The following CBL variants were observed in gnomAD, a reference collection of about 807,000 sequenced individuals.
The protein encoded by CBL is E3 ubiquitin-protein ligase CBL.
A neutral mutation model predicts 96.9 loss-of-function variants in CBL; 45 were observed. That is an observed-to-expected ratio of 0.46 (90% CI 0.37 to 0.60). CBL has a LOEUF of 0.60. Among genes scored for constraint, CBL ranks in the 20% least tolerant of loss-of-function variants. CBL has a pLI of 0.00. For missense variants in CBL, 1,024 were observed against 1,143.5 expected (o/e 0.90, Z 1.51); for synonymous variants, 420 against 426.8 (o/e 0.98, Z 0.20).
chr11:119,292,645 A>G (rs552468268), intron 12 of CBL, among the ~76,000 whole-genome samples: 3 of 152,098 alleles, frequency 2.0e-5, no homozygotes, highest in East Asian at 3.9e-4. Flanking sequence ...GGTGGTCTCA[A>G]TCTCCTGACC....
intron 2 of CBL, among the ~76,000 whole-genome samples, chr11:119,256,361 A>G (rs1403557869): frequency 6.6e-6 from 1 of 151,652 alleles, no homozygotes; most frequent in Non-Finnish European, 1.5e-5. Flanking sequence ...TGTTTTTCTC[A>G]GTAGAGATAG....
chr11:119,265,949 G>A (rs1949799589), intron 2 of CBL, among the ~76,000 whole-genome samples: 1 of 149,946 alleles, frequency 6.7e-6, no homozygotes, highest in Admixed American at 6.7e-5. Flanking sequence ...TTGAACCCGG[G>A]AGAGAGGGTG....
intron 2 of CBL, among the ~76,000 whole-genome samples, chr11:119,257,752 A>G (rs966923319): frequency 5.3e-5 from 8 of 152,060 alleles, no homozygotes; most frequent in Non-Finnish European, 8.8e-5. Context: ...ATTCATTTTC[A>G]TTCTTCTACA....
At chr11:119,264,388 TTTCTCTTCTCTTCTC>T (rs367863373) in intron 2 of CBL, among the ~76,000 whole-genome samples, 19,343 of 133,758 alleles carry the variant, frequency 0.14, 1,624 homozygotes, top group East Asian at 0.2. Flanking sequence ...TTTCTTTTCT[TTTCTCTTCTCTTCTC>T]TTCTCTTCTC....
chr11:119,251,591 A>G (rs1322851850), intron 2 of CBL, among the ~76,000 whole-genome samples: 2 of 152,238 alleles, frequency 1.3e-5, no homozygotes, highest in Non-Finnish European at 2.9e-5. Flanking sequence ...CCTTTTGGAC[A>G]CAAAAATATT....
intron 1 of CBL, among the ~76,000 whole-genome samples, chr11:119,210,091 GC>G (rs1949304612): frequency 6.6e-6 from 1 of 152,098 alleles, no homozygotes; most frequent in Admixed American, 6.6e-5. Flanking sequence ...ACCTAAATTG[GC>G]CTTAAATGTA....
chr11:119,246,157 T>C (rs1435225207), intron 2 of CBL, among the ~76,000 whole-genome samples: 2 of 151,648 alleles, frequency 1.3e-5, no homozygotes. Flanking sequence ...GTACTTGTAG[T>C]AGAGACAGGG....
chr11:119,206,728 A>T (rs1592364822), intron 1 of CBL, 116 bp downstream of exon 1: 1 of 704,850 alleles, frequency 1.4e-6, no homozygotes, highest in Admixed American at 4.0e-5. Context: ...GAAGCCGGGG[A>T]GGCGCGGAGC....
intron 2 of CBL, among the ~76,000 whole-genome samples, chr11:119,241,381 T>A (rs1239544199): frequency 6.6e-6 from 1 of 152,176 alleles, no homozygotes; most frequent in East Asian, 1.9e-4. Flanking sequence ...GCAAGTAGGA[T>A]TAAGCTTTTC....
At chr11:119,265,374 G>C (rs924090645) in intron 2 of CBL, among the ~76,000 whole-genome samples, 1 of 152,138 alleles carries the variant, frequency 6.6e-6, no homozygotes, top group African/African-American at 2.4e-5. Context: ...TGGCAAATCT[G>C]TTTTAGAATA....
chr11:119,272,299 T>G (rs1949855387), intron 3 of CBL, among the ~76,000 whole-genome samples: 1 of 152,180 alleles, frequency 6.6e-6, no homozygotes, highest in Admixed American at 6.5e-5. Flanking sequence ...TTTTTTGCAT[T>G]TTTAATAGAG....
intron 2 of CBL, among the ~76,000 whole-genome samples, chr11:119,234,445 C>T (rs1163258001): frequency 6.6e-6 from 1 of 152,166 alleles, no homozygotes; most frequent in Non-Finnish European, 1.5e-5. Context: ...ACTGTATGGA[C>T]CTTTTAGCTA....
chr11:119,292,655 C>A (rs1324833225), intron 12 of CBL, among the ~76,000 whole-genome samples: 1 of 151,958 alleles, frequency 6.6e-6, no homozygotes, highest in South Asian at 2.1e-4. Context: ...ATCTCCTGAC[C>A]GTGATCTGCC....
chr11:119,218,090 A>G (rs1251102291), intron 1 of CBL, among the ~76,000 whole-genome samples: 2 of 152,124 alleles, frequency 1.3e-5, no homozygotes, highest in Non-Finnish European at 2.9e-5. Context: ...GAAAGGAAAA[A>G]GGAAAAGAAA....
At chr11:119,297,329 T>C (rs1416138328) in intron 13 of CBL, 55 bp from the exon 14 acceptor site, 3 of 1,325,454 alleles carry the variant, frequency 2.3e-6, no homozygotes, top group Non-Finnish European at 3.3e-6. Context: ...TTCATAAGTT[T>C]ATAGATAACA....
At chr11:119,294,134 T>TA (rs1179621866) in intron 12 of CBL, among the ~76,000 whole-genome samples, 3 of 152,096 alleles carry the variant, frequency 2.0e-5, no homozygotes, top group Admixed American at 6.5e-5. Flanking sequence ...GAATTATAAT[T>TA]AAAATTTTTA....
At chr11:119,247,930 A>C (rs1256497994) in intron 2 of CBL, among the ~76,000 whole-genome samples, 4 of 152,228 alleles carry the variant, frequency 2.6e-5, no homozygotes, top group African/African-American at 9.6e-5. Context: ...TAAGGAGGCA[A>C]AAGACTTGTA....
chr11:119,266,771 A>G (rs998899071), intron 2 of CBL, among the ~76,000 whole-genome samples: 1 of 152,188 alleles, frequency 6.6e-6, no homozygotes, highest in Admixed American at 6.5e-5. Flanking sequence ...CGAAGGTTAG[A>G]GTGGAAGGCG....
At chr11:119,225,210 TC>T (rs1194675629) in intron 1 of CBL, among the ~76,000 whole-genome samples, 1 of 151,776 alleles carries the variant, frequency 6.6e-6, no homozygotes, top group African/African-American at 2.4e-5. Flanking sequence ...AATTCTCCTG[TC>T]TCAGCCTCCC....
Sources: gnomAD v4.1 joint callset for allele counts (sites outside exome capture counted in the v4.1 genomes callset) on GRCh38, gnomAD v4.1.1 for gene constraint, MANE v1.5 for transcripts, NCBI Gene and HGNC (gene_info 2026-07-23, HGNC 2026-07-21) for gene names.